Variants in LARGE1 observed in about 807,000 individuals in gnomAD.
The protein encoded by LARGE1 is xylosyl- and glucuronyltransferase LARGE1.
LARGE1 carries 43 observed loss-of-function variants against 87.6 expected under a neutral mutation model. The observed-to-expected ratio is 0.49, with a 90% CI of 0.38 to 0.63. LARGE1 has a LOEUF of 0.63. LARGE1 is among the 30% of genes least tolerant of loss of function. The pLI is 0.00. For missense variants in LARGE1, 802 were observed against 1,000.2 expected, an observed-to-expected ratio of 0.80 and a Z score of 2.67; for synonymous variants, 434 against 394.6, an observed-to-expected ratio of 1.10 and a Z score of -1.18.
At chr22:33,198,483 A>G (rs1381383317) in intron 11 of LARGE1, among the ~76,000 whole-genome samples, 1 of 152,124 alleles carries the variant, frequency 6.6e-6, no homozygotes, top group African/African-American at 2.4e-5. Flanking sequence ...TGTATATTGC[A>G]TAGTGGTGAA....
chr22:33,207,896 G>A (rs891680595), intron 11 of LARGE1, among the ~76,000 whole-genome samples: 6 of 152,086 alleles, frequency 3.9e-5, no homozygotes, highest in African/African-American at 1.4e-4. Context: ...AAAAAATAAA[G>A]TTTTTCTCCC....
intron 6 of LARGE1, among the ~76,000 whole-genome samples, chr22:33,552,719 G>C (rs1353584887): frequency 6.6e-6 from 1 of 152,134 alleles, no homozygotes; most frequent in Non-Finnish European, 1.5e-5. Flanking sequence ...CTGATTGTAC[G>C]ATATATCAAA....
chr22:33,186,057 A>G (rs1923457757), intron 11 of LARGE1, among the ~76,000 whole-genome samples: 1 of 152,162 alleles, frequency 6.6e-6, no homozygotes, highest in Admixed American at 6.5e-5. Flanking sequence ...AAAACCTACA[A>G]AAAAATTCTA....
At chr22:33,209,610 G>A (rs1252311014) in intron 11 of LARGE1, among the ~76,000 whole-genome samples, 1 of 152,050 alleles carries the variant, frequency 6.6e-6, no homozygotes, top group East Asian at 1.9e-4. Context: ...ACAATATCTG[G>A]ATTCATAATC....
chr22:33,595,486 T>C (rs988077123), intron 5 of LARGE1, among the ~76,000 whole-genome samples: 2 of 152,082 alleles, frequency 1.3e-5, no homozygotes, highest in Non-Finnish European at 2.9e-5. Flanking sequence ...GGAGACACAA[T>C]GGGGAGCACA....
chr22:33,756,783 T>G (rs1010512047), intron 2 of LARGE1, among the ~76,000 whole-genome samples: 1 of 152,124 alleles, frequency 6.6e-6, no homozygotes, highest in African/African-American at 2.4e-5. Flanking sequence ...GAAAGTGGGC[T>G]GTTGTGCTTA....
downstream of LARGE1, among the ~76,000 whole-genome samples, chr22:33,267,658 C>A (rs2145768753): frequency 6.6e-6 from 1 of 151,258 alleles, no homozygotes; most frequent in East Asian, 1.9e-4. Flanking sequence ...TTCTCAGAGA[C>A]TTCTAAGTGG....
At chr22:33,392,059 G>A (rs990487806) in intron 7 of LARGE1, among the ~76,000 whole-genome samples, 10 of 151,536 alleles carry the variant, frequency 6.6e-5, no homozygotes, top group Admixed American at 2.0e-4. Context: ...GTGAGCCACC[G>A]TGCCCAGCCT....
intron 1 of LARGE1, among the ~76,000 whole-genome samples, chr22:33,842,034 C>T (rs900079163): frequency 2.6e-5 from 4 of 152,222 alleles, no homozygotes; most frequent in Non-Finnish European, 5.9e-5. Context: ...AAGAAAGCCA[C>T]TTACAAAATA....
intron 1 of LARGE1, among the ~76,000 whole-genome samples, chr22:33,790,609 GA>G (rs1337859866): frequency 6.6e-5 from 10 of 152,106 alleles, no homozygotes; most frequent in Non-Finnish European, 1.5e-4. Context: ...TAACTCAACA[GA>G]AATACTTACA....
chr22:33,391,765 C>CTTTTTTTT (rs1034572374), intron 7 of LARGE1, among the ~76,000 whole-genome samples: 4 of 63,854 alleles, frequency 6.3e-5, no homozygotes, highest in East Asian at 3.0e-4. Context: ...TTCCTTTTTC[C>CTTTTTTTT]TTTTTTTTTT....
intron 11 of LARGE1, among the ~76,000 whole-genome samples, chr22:33,265,511 T>C (rs763462215): frequency 3.3e-5 from 5 of 152,194 alleles, no homozygotes; most frequent in Non-Finnish European, 7.3e-5. Flanking sequence ...TCATCTGTCT[T>C]AGAAGCCTTC....
intron 5 of LARGE1, among the ~76,000 whole-genome samples, chr22:33,565,740 AATGAACCACCCAT>A (rs1555959302): frequency 1.3e-5 from 2 of 150,428 alleles, no homozygotes; most frequent in African/African-American, 4.8e-5. Context: ...ATAGGACAGA[AATGAACCACCCAT>A]GGAGCACTGA....
chr22:33,800,030 A>G (rs2086111182), intron 1 of LARGE1, among the ~76,000 whole-genome samples: 1 of 152,166 alleles, frequency 6.6e-6, no homozygotes, highest in African/African-American at 2.4e-5. Context: ...TTTTTAAGAC[A>G]TCTAAGCTAA....
intron 11 of LARGE1, among the ~76,000 whole-genome samples, chr22:33,205,957 T>C (rs1280798402): frequency 6.9e-6 from 1 of 144,492 alleles, no homozygotes; most frequent in Non-Finnish European, 1.5e-5. Flanking sequence ...TCTTTTTTTT[T>C]TTTTTTTTTT....
intron 1 of LARGE1, among the ~76,000 whole-genome samples, chr22:33,836,893 G>A (rs1473106836): frequency 1.3e-5 from 2 of 151,986 alleles, no homozygotes; most frequent in African/African-American, 4.8e-5. Flanking sequence ...ACAAGAAACA[G>A]AGACTCAATA....
intron 7 of LARGE1, among the ~76,000 whole-genome samples, chr22:33,405,377 T>G (rs2066061141): frequency 6.6e-6 from 1 of 152,160 alleles, no homozygotes; most frequent in Non-Finnish European, 1.5e-5. Context: ...TGCTACATTC[T>G]TGTTCTCTGG....
chr22:33,599,009 G>T (rs1314931701), intron 5 of LARGE1, among the ~76,000 whole-genome samples: 1 of 152,192 alleles, frequency 6.6e-6, no homozygotes, highest in Non-Finnish European at 1.5e-5. Context: ...ACCACAGCCT[G>T]TGGGATCCAA....
At chr22:33,345,507 G>A (rs1217712086) in intron 9 of LARGE1, among the ~76,000 whole-genome samples, 1 of 152,242 alleles carries the variant, frequency 6.6e-6, no homozygotes, top group East Asian at 1.9e-4. Context: ...GAAGCAGAGA[G>A]AGGGAGGCAT....
Sources: gnomAD v4.1 joint callset for allele counts (sites outside exome capture counted in the v4.1 genomes callset) on GRCh38, gnomAD v4.1.1 for gene constraint, MANE v1.5 for transcripts, NCBI Gene and HGNC (gene_info 2026-07-23, HGNC 2026-07-21) for gene names.